Variants in SOX5 observed in about 807,000 individuals in gnomAD.
SOX5 encodes transcription factor SOX-5.
Under a neutral mutation model 92.0 loss-of-function variants are expected in SOX5, and 9 were observed. The observed-to-expected ratio is 0.10, with a 90% CI of 0.06 to 0.17. The LOEUF is 0.17. SOX5 is among the 10% of genes least tolerant of loss of function. The probability of loss-of-function intolerance (pLI) is 1.00; values close to 1 mark genes in which losing one functional copy is unlikely to be tolerated. For synonymous variants in SOX5, 344 were observed against 336.3 expected (o/e 1.02, Z -0.25); for missense variants, 642 against 944.5 (o/e 0.68, Z 4.20).
At chr12:24,164,832 C>CA (rs1565567602) in intron 4 of SOX5, among the ~76,000 whole-genome samples, 2 of 151,660 alleles carry the variant, frequency 1.3e-5, no homozygotes, top group Non-Finnish European at 2.9e-5. Context: ...TAAATGCTTT[C>CA]AAAAAAAGAA....
intron 2 of SOX5, among the ~76,000 whole-genome samples, chr12:23,888,596 G>A (rs1443320895): frequency 6.6e-6 from 1 of 152,198 alleles, no homozygotes; most frequent in South Asian, 2.1e-4. Flanking sequence ...AGGACAAAAT[G>A]ATCGATTGCA....
intron 4 of SOX5, among the ~76,000 whole-genome samples, chr12:24,053,970 A>G (rs996196118): frequency 1.3e-5 from 2 of 152,222 alleles, no homozygotes; most frequent in Non-Finnish European, 2.9e-5. Flanking sequence ...GTAATGAAAC[A>G]GAGATTCTCC....
chr12:23,591,337 C>A (rs144146650), intron 9 of SOX5, among the ~76,000 whole-genome samples: 227 of 152,124 alleles, frequency 1.5e-3, no homozygotes, highest in Non-Finnish European at 1.6e-3. Flanking sequence ...ATCAGGTGTA[C>A]ATTTGTTAAG....
intron 4 of SOX5, among the ~76,000 whole-genome samples, chr12:23,970,841 A>ATTTTTT (rs1555456188): frequency 1.4e-4 from 3 of 21,872 alleles, no homozygotes; most frequent in African/African-American, 2.5e-4. Flanking sequence ...TATATATATA[A>ATTTTTT]TTTTTTTTTT....
intron 6 of SOX5, among the ~76,000 whole-genome samples, chr12:23,722,438 T>C (rs10771021): frequency 0.76 from 115,638 of 152,070 alleles, 44,030 homozygotes; most frequent in East Asian, 0.81. Context: ...TATTCAGGTG[T>C]TCTGAGGCAT....
intron 4 of SOX5, among the ~76,000 whole-genome samples, chr12:24,113,416 A>G (rs1242548930): frequency 6.6e-6 from 1 of 152,018 alleles, no homozygotes; most frequent in Non-Finnish European, 1.5e-5. Context: ...TTTGTGTTGC[A>G]TTTCTGAAAA....
chr12:23,803,468 C>T (rs570804021), intron 3 of SOX5, among the ~76,000 whole-genome samples: 25 of 152,148 alleles, frequency 1.6e-4, no homozygotes, highest in Non-Finnish European at 2.4e-4. Flanking sequence ...TTGCTCTCTT[C>T]TCTATTTGTA....
At chr12:24,326,986 A>G (rs1950773570) in intron 2 of SOX5, among the ~76,000 whole-genome samples, 1 of 152,180 alleles carries the variant, frequency 6.6e-6, no homozygotes, top group African/African-American at 2.4e-5. Context: ...ACTACCTAGC[A>G]TTTGGCACAG....
chr12:24,319,218 C>T (rs921533606), intron 2 of SOX5, among the ~76,000 whole-genome samples: 5 of 152,156 alleles, frequency 3.3e-5, no homozygotes, highest in African/African-American at 7.2e-5. Flanking sequence ...TCAATAAACA[C>T]GCTCAAATTT....
chr12:24,227,078 T>C (rs1962214792), intron 3 of SOX5: 1 of 152,250 alleles, frequency 6.6e-6, no homozygotes, highest in Non-Finnish European at 1.5e-5. Flanking sequence ...ATGGACGTAA[T>C]GGACAGGGTG....
At chr12:23,771,095 A>G (rs1027181195) in intron 3 of SOX5, among the ~76,000 whole-genome samples, 2 of 151,812 alleles carry the variant, frequency 1.3e-5, no homozygotes, top group African/African-American at 4.8e-5. Context: ...ATCGTATTCT[A>G]ATCAGGGACT....
intron 4 of SOX5, among the ~76,000 whole-genome samples, chr12:23,962,029 A>G (rs1431770762): frequency 2.0e-5 from 3 of 152,226 alleles, no homozygotes; most frequent in Non-Finnish European, 4.4e-5. Flanking sequence ...GTGATAAGTT[A>G]CATTGAATTT....
chr12:23,580,827 C>T (rs1326246533), intron 9 of SOX5, among the ~76,000 whole-genome samples: 1 of 151,952 alleles, frequency 6.6e-6, no homozygotes, highest in Non-Finnish European at 1.5e-5. Flanking sequence ...CAGTTAATCC[C>T]AGCCAATGAA....
chr12:23,919,087 G>T (rs567199574), intron 1 of SOX5, among the ~76,000 whole-genome samples: 1 of 152,094 alleles, frequency 6.6e-6, no homozygotes, highest in African/African-American at 2.4e-5. Flanking sequence ...AATGAGTAAT[G>T]AAGATGACTG....
intron 4 of SOX5, among the ~76,000 whole-genome samples, chr12:23,991,947 A>G (rs571275552): frequency 6.6e-6 from 1 of 152,274 alleles, no homozygotes; most frequent in East Asian, 1.9e-4. Context: ...AGCTCTGAAA[A>G]GAAAGAAGCA....
intron 4 of SOX5, among the ~76,000 whole-genome samples, chr12:23,746,566 G>A (rs1310594288): frequency 6.6e-6 from 1 of 152,130 alleles, no homozygotes; most frequent in Non-Finnish European, 1.5e-5. Context: ...TAGAATGAAA[G>A]ATAACTGAAG....
chr12:23,622,708 A>G (rs1449322671), intron 8 of SOX5, among the ~76,000 whole-genome samples: 3 of 152,280 alleles, frequency 2.0e-5, no homozygotes, highest in South Asian at 2.1e-4. Flanking sequence ...AAACTTTAAT[A>G]AAAGATTCAC....
intron 1 of SOX5, among the ~76,000 whole-genome samples, chr12:24,537,755 T>A (rs532554517): frequency 6.6e-6 from 1 of 152,382 alleles, no homozygotes; most frequent in South Asian, 2.1e-4. Context: ...AGCACCTCCC[T>A]GTTGACAAGG....
In SOX5 at chr12:23,925,175, A is replaced by C. The variant is rs73068225; in HGVS notation, c.38+24389T>G. On this transcript the variant is annotated intron_variant, in intron 1 of 14. Coordinates refer to ENST00000451604, the MANE Select transcript of SOX5 (RefSeq NM_006940.6). Reference sequence around the variant, plus strand: ...GATCACAATTATGACCTCATAAATCAGTACAATGCTTTGGCTCTCTATTTT... The same window carrying C: ...GATCACAATTATGACCTCATAAATCCGTACAATGCTTTGGCTCTCTATTTT... 3.8e-3 allele frequency among the ~76,000 whole-genome samples: 576 copies of C among 152,252 alleles called. 3 individuals are homozygous for C. Among genetic ancestry groups the C allele is most frequent in the Non-Finnish European group, 6.4e-3 (434 of 67,948 alleles).
Sources: allele counts gnomAD v4.1 joint callset (sites outside exome capture counted in the v4.1 genomes callset), GRCh38; gene constraint gnomAD v4.1.1; transcripts MANE v1.5; gene names NCBI Gene and HGNC (gene_info 2026-07-23, HGNC 2026-07-21).